PRKN: variants seen among roughly 807,000 people sequenced by gnomAD.
The protein encoded by PRKN is parkin RBR E3 ubiquitin protein ligase.
In PRKN, 56 loss-of-function variants were observed where a neutral mutation model predicts 59.5. The ratio of observed to expected loss-of-function variants is 0.94; its 90% confidence interval spans 0.76 to 1.18. PRKN has a LOEUF of 1.18. Ranked by LOEUF, PRKN falls within the 50% of genes most tolerant of loss-of-function variation. The probability of loss-of-function intolerance (pLI) is 0.00; values close to 1 mark genes in which losing one functional copy is unlikely to be tolerated. For synonymous variants in PRKN, 250 were observed against 222.1 expected (o/e 1.13, Z -1.12); for missense variants, 657 against 596.4 (o/e 1.10, Z -1.06).
At chr6:162,235,650 A>G (rs528818982) in intron 3 of PRKN, among the ~76,000 whole-genome samples, 63 of 152,144 alleles carry the variant, frequency 4.1e-4, no homozygotes, top group African/African-American at 1.4e-3. Context: ...TACTAAAAAA[A>G]TACAAAAACT....
At chr6:161,427,604 G>A (rs1171222933) in intron 9 of PRKN, among the ~76,000 whole-genome samples, 1 of 152,140 alleles carries the variant, frequency 6.6e-6, no homozygotes, top group Non-Finnish European at 1.5e-5. Context: ...AATCTGACAT[G>A]TGAAAGTGAA....
At chr6:161,514,977 T>C (rs1778533595) in intron 9 of PRKN, among the ~76,000 whole-genome samples, 1 of 152,136 alleles carries the variant, frequency 6.6e-6, no homozygotes, top group Non-Finnish European at 1.5e-5. Flanking sequence ...AGAGGCCCAA[T>C]TGTTAGTTAA....
At chr6:162,129,805 G>A (rs1450062712) in intron 4 of PRKN, among the ~76,000 whole-genome samples, 1 of 152,006 alleles carries the variant, frequency 6.6e-6, no homozygotes, top group Admixed American at 6.6e-5. Context: ...TTAAATTATA[G>A]AGTAAATATA....
Position 161,650,232 on chromosome 6 carries a change from G to GT in PRKN, c.872-80817dup, listed in dbSNP as rs1286017682. 5.9e-5 allele frequency among the ~76,000 whole-genome samples: 9 copies of GT among 152,278 alleles called. No individual in the cohort carries two copies. In the East Asian group the frequency reaches 1.2e-3, roughly 20 times the overall value. Reference sequence around the variant, plus strand: ...ATTTGTTTATGTCAGCTGTGGTATAGTTTTTTACTAACTTTTCTTTATGAG... The same window carrying GT: ...ATTTGTTTATGTCAGCTGTGGTATAGTTTTTTTACTAACTTTTCTTTATGAG... On this transcript the variant is annotated intron_variant, in intron 7 of 11. Transcript: ENST00000366898.
rs1779434393 is a variant in PRKN at position 162,553,830 on chromosome 6, AAAAAAAAAAAAAAAAAAAG to A, written c.8-110376_8-110358del. ...AAAAAAAAAAAAAAAAAAAAAAAAA[AAAAAAAAAAAAAAAAAAAG>A]GGTAAAAGTGAGTGGGGAAAAGGCA... On this transcript the variant is annotated intron_variant, in intron 1 of 11. Coordinates refer to ENST00000366898, the MANE Select transcript of PRKN (RefSeq NM_004562.3). 8.2e-3 allele frequency among the ~76,000 whole-genome samples: 146 copies of A among 17,844 alleles called. 33 individuals are homozygous for A. Among genetic ancestry groups the A allele is most frequent in the East Asian group, 0.037 (50 of 1,340 alleles). 11.7% of individuals were successfully genotyped at this position (17,844 alleles called of 152,430 possible).
At chr6:162,221,508 T>C (rs554207035) in intron 3 of PRKN, among the ~76,000 whole-genome samples, 3 of 152,286 alleles carry the variant, frequency 2.0e-5, no homozygotes, top group Admixed American at 2.0e-4. Flanking sequence ...TAGACTTCAA[T>C]TAAATTTGGA....
intron 7 of PRKN, among the ~76,000 whole-genome samples, chr6:161,772,297 G>C (rs1789727562): frequency 6.6e-6 from 1 of 152,126 alleles, no homozygotes; most frequent in Non-Finnish European, 1.5e-5. Flanking sequence ...CTGACTAGTT[G>C]CAAAAATCCA....
chr6:162,061,703 A>C (rs1175095708), intron 4 of PRKN, among the ~76,000 whole-genome samples: 1 of 152,232 alleles, frequency 6.6e-6, no homozygotes, highest in Non-Finnish European at 1.5e-5. Context: ...ATTAAATAGT[A>C]ACCAGGAAAA....
chr6:162,185,235 T>C (rs1783978564), intron 4 of PRKN, among the ~76,000 whole-genome samples: 1 of 152,194 alleles, frequency 6.6e-6, no homozygotes, highest in Non-Finnish European at 1.5e-5. Context: ...TGCATAGCCA[T>C]TTGAAAATAA....
intron 7 of PRKN, among the ~76,000 whole-genome samples, chr6:161,683,321 A>T (rs1785440006): frequency 6.6e-6 from 1 of 152,190 alleles, no homozygotes; most frequent in African/African-American, 2.4e-5. Context: ...TCCTGGGAAA[A>T]GAGGACTGGA....
At chr6:162,193,523 T>C (rs1784376023) in intron 4 of PRKN, among the ~76,000 whole-genome samples, 1 of 152,196 alleles carries the variant, frequency 6.6e-6, no homozygotes, top group Admixed American at 6.5e-5. Context: ...ACTATGCCTC[T>C]GCTCCATGAG....
intron 6 of PRKN, among the ~76,000 whole-genome samples, chr6:161,795,225 TTTC>T (rs1489169015): frequency 9.2e-5 from 4 of 43,586 alleles, no homozygotes; most frequent in Admixed American, 3.5e-4. Context: ...ACTGTTTTCT[TTTC>T]TTTTTTTTTT....
chr6:161,873,927 T>C (rs1328447893), intron 6 of PRKN, among the ~76,000 whole-genome samples: 12 of 122,548 alleles, frequency 9.8e-5, no homozygotes, highest in Non-Finnish European at 1.4e-4. Flanking sequence ...ATATATAAAA[T>C]ATATAATATA....
At chr6:161,600,391 A>C (rs1460653629) in intron 7 of PRKN, among the ~76,000 whole-genome samples, 1 of 152,142 alleles carries the variant, frequency 6.6e-6, no homozygotes, top group Non-Finnish European at 1.5e-5. Context: ...GATCACACTG[A>C]GTCAGTGATT....
intron 7 of PRKN, among the ~76,000 whole-genome samples, chr6:161,590,395 C>T (rs868506853): frequency 6.6e-6 from 1 of 151,852 alleles, no homozygotes; most frequent in Non-Finnish European, 1.5e-5. Flanking sequence ...GTCGGGAGTT[C>T]GTGACCAGCC....
At chr6:162,586,625 C>T (rs1781071163) in intron 1 of PRKN, among the ~76,000 whole-genome samples, 1 of 152,146 alleles carries the variant, frequency 6.6e-6, no homozygotes, top group South Asian at 2.1e-4. Flanking sequence ...CCACGAGGGG[C>T]TATAAGCCGG....
chr6:162,260,935 AC>A (rs1316905691), intron 3 of PRKN, among the ~76,000 whole-genome samples: 1 of 152,162 alleles, frequency 6.6e-6, no homozygotes, highest in African/African-American at 2.4e-5. Flanking sequence ...AGGGTTTGGT[AC>A]CATTTTTGGT....
chr6:161,987,744 G>A (rs190344106), intron 5 of PRKN, among the ~76,000 whole-genome samples: 15 of 152,192 alleles, frequency 9.9e-5, no homozygotes, highest in East Asian at 9.6e-4. Flanking sequence ...GAAAAATTTC[G>A]GAGTCCAATT....
Position 162,428,300 on chromosome 6 carries a change from A to G in PRKN, c.171+15010T>C, listed in dbSNP as rs73604261. Among the ~76,000 whole-genome samples the G allele has an allele frequency of 4.8e-3, 735 of 152,288 alleles. 11 individuals are homozygous for G. The highest frequency in any genetic ancestry group is 0.017 in the African/African-American group (708 of 41,568). On this transcript the variant is annotated intron_variant, in intron 2 of 11. Coordinates refer to ENST00000366898, the MANE Select transcript of PRKN (RefSeq NM_004562.3). The stretch of plus-strand genomic sequence containing the variant: ...ACATCTAACCTCATCTTGACTGAGA[A>G]TGTATGTATAGATTCTCAAATAAGC...
Sources: gnomAD v4.1 joint callset for allele counts (sites outside exome capture counted in the v4.1 genomes callset) on GRCh38, gnomAD v4.1.1 for gene constraint, MANE v1.5 for transcripts, NCBI Gene and HGNC (gene_info 2026-07-23, HGNC 2026-07-21) for gene names.